The following RHOU variants were observed in gnomAD, a reference collection of about 807,000 sequenced individuals.
The protein encoded by RHOU is ras homolog family member U.
Under a neutral mutation model 12.6 loss-of-function variants are expected in RHOU, and 8 were observed. That is an observed-to-expected ratio of 0.64 (90% confidence interval 0.37 to 1.15). The LOEUF is 1.15. Among genes scored for constraint, RHOU ranks in the 50% most tolerant of loss-of-function variants. The probability of loss-of-function intolerance (pLI) is 0.01; values close to 1 mark genes in which losing one functional copy is unlikely to be tolerated. For synonymous variants in RHOU, 161 were observed against 147.4 expected (o/e 1.09, Z -0.67); for missense variants, 258 against 347.0 (o/e 0.74, Z 2.04).
chr1:228,687,954 C>T, the RHOU span: 2 of 671,364 alleles, frequency 3.0e-6, no homozygotes, highest in African/African-American at 3.5e-5. Flanking sequence ...TCCCTTCCTT[C>T]CTTCTGTCCT....
At chr1:228,680,884 T>C in the RHOU span, among the ~76,000 whole-genome samples, 2 of 152,324 alleles carry the variant, frequency 1.3e-5, no homozygotes, top group South Asian at 4.1e-4. Flanking sequence ...CGCCTAGCTA[T>C]ACCTGGGGAA....
the RHOU span, among the ~76,000 whole-genome samples, chr1:228,673,839 A>G: frequency 5.9e-5 from 9 of 152,336 alleles, no homozygotes; most frequent in East Asian, 1.7e-3. Flanking sequence ...TTACAGCTTT[A>G]GGTTATTCTA....
chr1:228,724,316 T>A, the RHOU span, among the ~76,000 whole-genome samples: 1 of 152,162 alleles, frequency 6.6e-6, no homozygotes, highest in African/African-American at 2.4e-5. Flanking sequence ...ATTTCTTGTG[T>A]TCCCCCCCAG....
the RHOU span, among the ~76,000 whole-genome samples, chr1:228,727,589 T>A: frequency 6.6e-6 from 1 of 152,108 alleles, no homozygotes; most frequent in South Asian, 2.1e-4. Context: ...TCATTCTGAG[T>A]CTTATATTGT....
At chr1:228,708,859 C>T in the RHOU span, among the ~76,000 whole-genome samples, 1 of 152,148 alleles carries the variant, frequency 6.6e-6, no homozygotes, top group Non-Finnish European at 1.5e-5. Flanking sequence ...AAGACACAGA[C>T]TGTCAAATTG....
the RHOU span, among the ~76,000 whole-genome samples, chr1:228,659,832 A>C: frequency 6.6e-6 from 1 of 151,300 alleles, no homozygotes; most frequent in South Asian, 2.1e-4. Context: ...AAATACAAAA[A>C]ACGTAGCCGG....
the RHOU span, among the ~76,000 whole-genome samples, chr1:228,669,691 C>T: frequency 6.6e-6 from 1 of 152,220 alleles, no homozygotes; most frequent in Non-Finnish European, 1.5e-5. Context: ...TGTGTCATGT[C>T]TACCTTACGG....
intron 2 of RHOU, among the ~76,000 whole-genome samples, chr1:228,740,834 A>C (rs1662705993): frequency 6.6e-6 from 1 of 152,314 alleles, no homozygotes; most frequent in Middle Eastern, 3.4e-3. Flanking sequence ...CATGCTGAAG[A>C]AATCACTTCT....
chr1:228,674,778 T>C, the RHOU span, among the ~76,000 whole-genome samples: 1 of 152,134 alleles, frequency 6.6e-6, no homozygotes, highest in Non-Finnish European at 1.5e-5. Context: ...TCGCCCAGGC[T>C]GGAGTGCAGT....
At chr1:228,675,885 C>A in the RHOU span, among the ~76,000 whole-genome samples, 1 of 151,852 alleles carries the variant, frequency 6.6e-6, no homozygotes, top group Non-Finnish European at 1.5e-5. Context: ...GATACACTTT[C>A]AGGTTTCTTT....
At chr1:228,661,878 C>G in the RHOU span, among the ~76,000 whole-genome samples, 1 of 152,148 alleles carries the variant, frequency 6.6e-6, no homozygotes, top group Non-Finnish European at 1.5e-5. Flanking sequence ...AAACTACCAT[C>G]AGAGTGAACA....
chr1:228,686,119 A>AGTTTT, the RHOU span, among the ~76,000 whole-genome samples: 1 of 152,168 alleles, frequency 6.6e-6, no homozygotes. Context: ...GTTATATTTG[A>AGTTTT]GTTTTAGTTA....
the RHOU span, among the ~76,000 whole-genome samples, chr1:228,664,399 GC>G: frequency 2.6e-5 from 4 of 152,136 alleles, no homozygotes; most frequent in South Asian, 2.1e-4. Context: ...AATGAGGAAA[GC>G]CATTTGCGGA....
chr1:228,676,131 G>GCCCC, the RHOU span, among the ~76,000 whole-genome samples: 1 of 146,308 alleles, frequency 6.8e-6, no homozygotes, highest in African/African-American at 2.5e-5. Flanking sequence ...TGCTGTAACC[G>GCCCC]CCCCCCCCCT....
chr1:228,678,611 T>C, the RHOU span, among the ~76,000 whole-genome samples: 2 of 152,168 alleles, frequency 1.3e-5, no homozygotes, highest in Admixed American at 1.3e-4. Context: ...GAAACCTCTT[T>C]CAGCCCATAA....
chr1:228,700,416 G>A, the RHOU span, among the ~76,000 whole-genome samples: 4 of 152,164 alleles, frequency 2.6e-5, no homozygotes, highest in African/African-American at 9.7e-5. Context: ...TTCTTACCCA[G>A]TCTAAATGAT....
At chr1:228,693,127 A>C in the RHOU span, among the ~76,000 whole-genome samples, 1 of 152,214 alleles carries the variant, frequency 6.6e-6, no homozygotes, top group African/African-American at 2.4e-5. Flanking sequence ...TTAACCTATA[A>C]CTTAAAAAGA....
At chr1:228,659,955 CAAAAAAAAAACAAAA>C in the RHOU span, among the ~76,000 whole-genome samples, 1 of 34,612 alleles carries the variant, frequency 2.9e-5, no homozygotes, top group African/African-American at 1.2e-4. Context: ...CTGGTCTCTA[CAAAAAAAAAACAAAA>C]AAAAAAAAAA....
the RHOU span, among the ~76,000 whole-genome samples, chr1:228,703,399 A>G: frequency 9.9e-5 from 15 of 151,998 alleles, 1 homozygote; most frequent in Middle Eastern, 6.8e-3. Context: ...GGTGGTGGGC[A>G]CCTGTAGTCC....
Sources: gnomAD v4.1 joint callset for allele counts (sites outside exome capture counted in the v4.1 genomes callset) on GRCh38, gnomAD v4.1.1 for gene constraint, MANE v1.5 for transcripts, NCBI Gene and HGNC (gene_info 2026-07-23, HGNC 2026-07-21) for gene names.